Variants in MEI4 observed in about 807,000 individuals in gnomAD.
MEI4 encodes meiosis-specific protein MEI4.
MEI4 carries 27 observed loss-of-function variants against 31.4 expected under a neutral mutation model. That is an observed-to-expected ratio of 0.86 (90% confidence interval 0.63 to 1.19). The LOEUF is 1.19. Ranked by LOEUF, MEI4 falls within the 50% of genes most tolerant of loss-of-function variation. The probability of loss-of-function intolerance (pLI) is 0.00; values close to 1 mark genes in which losing one functional copy is unlikely to be tolerated. For synonymous variants in MEI4, 122 were observed against 145.4 expected (o/e 0.84, Z 1.16); for missense variants, 329 against 398.9 (o/e 0.82, Z 1.49).
chr6:77,805,603 T>C (rs1480484409), intron 3 of MEI4, among the ~76,000 whole-genome samples: 1 of 152,116 alleles, frequency 6.6e-6, no homozygotes, highest in Non-Finnish European at 1.5e-5. Context: ...GTATAATCAG[T>C]TACTTAGTAT....
At chr6:77,719,572 A>G (rs1044090269) in intron 2 of MEI4, among the ~76,000 whole-genome samples, 1 of 106,480 alleles carries the variant, frequency 9.4e-6, no homozygotes, top group Admixed American at 1.0e-4. Flanking sequence ...ATACACTATC[A>G]TTAACATATA....
intron 3 of MEI4, among the ~76,000 whole-genome samples, chr6:77,801,284 G>A (rs1005720737): frequency 6.6e-6 from 1 of 152,134 alleles, no homozygotes; most frequent in African/African-American, 2.4e-5. Flanking sequence ...TTGCATAGAG[G>A]TGTTTATAGT....
intron 4 of MEI4, among the ~76,000 whole-genome samples, chr6:77,916,973 G>A (rs1489248595): frequency 3.1e-4 from 42 of 134,542 alleles, no homozygotes; most frequent in Admixed American, 7.7e-4. Context: ...TCCTGTGTCC[G>A]TGTGATCTCA....
At chr6:77,711,935 G>C (rs955699705) in intron 2 of MEI4, among the ~76,000 whole-genome samples, 1 of 152,170 alleles carries the variant, frequency 6.6e-6, no homozygotes, top group Admixed American at 6.5e-5. Flanking sequence ...TTTCTATGGT[G>C]TTAAGAGTCC....
At chr6:77,786,849 G>A (rs887359285) in intron 3 of MEI4, among the ~76,000 whole-genome samples, 1 of 152,048 alleles carries the variant, frequency 6.6e-6, no homozygotes, top group South Asian at 2.1e-4. Context: ...TAATATCTCT[G>A]TGGAAAAAAG....
chr6:77,734,508 T>A (rs1767120312), intron 2 of MEI4, among the ~76,000 whole-genome samples: 1 of 152,030 alleles, frequency 6.6e-6, no homozygotes, highest in Admixed American at 6.5e-5. Context: ...TCCTCCAATC[T>A]TTTATTTTGA....
intron 4 of MEI4, among the ~76,000 whole-genome samples, chr6:77,916,868 A>T (rs369847106): frequency 6.6e-6 from 1 of 151,566 alleles, no homozygotes. Context: ...CACTGCACCC[A>T]CTAACTCGTC....
chr6:77,772,488 G>C (rs774503893), intron 3 of MEI4, among the ~76,000 whole-genome samples: 6 of 151,802 alleles, frequency 4.0e-5, no homozygotes, highest in Non-Finnish European at 7.4e-5. Flanking sequence ...CAATTGGTGT[G>C]GAAAAAGCAT....
At chr6:77,865,801 C>G (rs955934875) in intron 4 of MEI4, among the ~76,000 whole-genome samples, 99 of 152,266 alleles carry the variant, frequency 6.5e-4, no homozygotes, top group African/African-American at 2.3e-3. Context: ...GACCAATACC[C>G]CTGATGAACA....
At chr6:77,667,246 T>A (rs954164710) in intron 1 of MEI4, among the ~76,000 whole-genome samples, 1 of 152,190 alleles carries the variant, frequency 6.6e-6, no homozygotes, top group Non-Finnish European at 1.5e-5. Context: ...GTATCCAATT[T>A]TCAGAGGTGT....
intron 2 of MEI4, among the ~76,000 whole-genome samples, chr6:77,692,999 C>A (rs941802983): frequency 2.6e-5 from 4 of 151,932 alleles, no homozygotes; most frequent in Non-Finnish European, 5.9e-5. Context: ...TCCAATATTC[C>A]AGGGATGTCA....
At chr6:77,909,259 G>T (rs896608035) in intron 4 of MEI4, among the ~76,000 whole-genome samples, 1 of 152,068 alleles carries the variant, frequency 6.6e-6, no homozygotes, top group East Asian at 1.9e-4. Context: ...AAAAATCAGT[G>T]AATCCAGGAG....
At chr6:77,885,874 G>A (rs1300730630) in intron 4 of MEI4, among the ~76,000 whole-genome samples, 4 of 152,082 alleles carry the variant, frequency 2.6e-5, no homozygotes, top group African/African-American at 9.7e-5. Context: ...TTTTTATCAG[G>A]AGAGGATGTT....
intron 2 of MEI4, among the ~76,000 whole-genome samples, chr6:77,754,748 A>G (rs1037096855): frequency 2.0e-5 from 3 of 152,282 alleles, no homozygotes; most frequent in Non-Finnish European, 4.4e-5. Flanking sequence ...GGAACCCACA[A>G]TCATGGTGGA....
chr6:77,851,593 T>C (rs749162933), intron 4 of MEI4, among the ~76,000 whole-genome samples: 10 of 121,328 alleles, frequency 8.2e-5, no homozygotes, highest in Admixed American at 4.6e-4. Flanking sequence ...TGAGAACACA[T>C]GGACACAGGA....
intron 3 of MEI4, among the ~76,000 whole-genome samples, chr6:77,769,298 G>A (rs1425212135): frequency 6.6e-6 from 1 of 152,148 alleles, no homozygotes. Flanking sequence ...CCCATAGAGG[G>A]AATGTTTATA....
chr6:77,736,238 C>T (rs894383847), intron 2 of MEI4, among the ~76,000 whole-genome samples: 3 of 152,000 alleles, frequency 2.0e-5, no homozygotes, highest in Non-Finnish European at 4.4e-5. Context: ...CCCAACCTTG[C>T]TGCCCCCTTG....
At chr6:77,746,288 T>G (rs959923773) in intron 2 of MEI4, among the ~76,000 whole-genome samples, 1 of 152,144 alleles carries the variant, frequency 6.6e-6, no homozygotes, top group Non-Finnish European at 1.5e-5. Flanking sequence ...TCTTTAAATG[T>G]GTTTTCAGAT....
intron 2 of MEI4, among the ~76,000 whole-genome samples, chr6:77,737,204 A>G (rs547616821): frequency 5.8e-4 from 88 of 152,316 alleles, no homozygotes; most frequent in Non-Finnish European, 1.0e-3. Context: ...AAGACAGTAT[A>G]CTTTCCATAA....
Sources: allele counts gnomAD v4.1 joint callset (sites outside exome capture counted in the v4.1 genomes callset), GRCh38; gene constraint gnomAD v4.1.1; transcripts MANE v1.5; gene names NCBI Gene and HGNC (gene_info 2026-07-23, HGNC 2026-07-21).